CLSTN2: variants seen among roughly 807,000 people sequenced by gnomAD.
The protein encoded by CLSTN2 is calsyntenin 2.
Under a neutral mutation model 101.2 loss-of-function variants are expected in CLSTN2, and 48 were observed. The observed-to-expected ratio is 0.47, with a 90% CI of 0.38 to 0.60. CLSTN2 has a LOEUF of 0.60. Ranked by LOEUF, CLSTN2 falls within the 20% of genes least tolerant of loss-of-function variation. The pLI, the probability that CLSTN2 is intolerant of heterozygous loss-of-function variation, is 0.00. For missense variants in CLSTN2, 1,160 were observed against 1,238.2 expected (o/e 0.94, Z 0.95); for synonymous variants, 481 against 463.6 (o/e 1.04, Z -0.48).
chr3:139,971,122 AAAG>A (rs906323818), intron 1 of CLSTN2, among the ~76,000 whole-genome samples: 2 of 152,200 alleles, frequency 1.3e-5, no homozygotes, highest in African/African-American at 4.8e-5. Context: ...ATGCCAGAGA[AAAG>A]AAGTGACCAC....
At chr3:140,502,118 C>T (rs12634859) in intron 8 of CLSTN2, among the ~76,000 whole-genome samples, 26,389 of 152,106 alleles carry the variant, frequency 0.17, 2,784 homozygotes, top group East Asian at 0.4. Context: ...GCAGGCTGTG[C>T]TTATGGTGGT....
At chr3:140,466,830 G>A (rs969061467) in intron 8 of CLSTN2, 99 bp downstream of exon 8, 138 of 1,507,442 alleles carry the variant, frequency 9.2e-5, no homozygotes, top group Non-Finnish European at 1.2e-4. Flanking sequence ...GCAAGGTCCT[G>A]ACCACTTGCT....
chr3:140,276,395 C>T (rs527312566), intron 2 of CLSTN2, among the ~76,000 whole-genome samples: 285 of 152,276 alleles, frequency 1.9e-3, no homozygotes, highest in African/African-American at 6.6e-3. Context: ...ACACCCTTCA[C>T]GGCTCAGTTA....
chr3:140,078,244 C>A (rs565729856), intron 1 of CLSTN2, among the ~76,000 whole-genome samples: 165 of 152,270 alleles, frequency 1.1e-3, no homozygotes, highest in Non-Finnish European at 5.4e-4. Context: ...CTTGACTTAC[C>A]TCCTCAATGG....
intron 4 of CLSTN2, among the ~76,000 whole-genome samples, chr3:140,419,510 T>C (rs2088469922): frequency 1.5e-5 from 1 of 66,230 alleles, no homozygotes; most frequent in African/African-American, 1.7e-4. Flanking sequence ...TATATATATA[T>C]ATACACACAC....
chr3:140,098,636 G>A (rs1342982145), intron 1 of CLSTN2, among the ~76,000 whole-genome samples: 1 of 152,142 alleles, frequency 6.6e-6, no homozygotes, highest in Non-Finnish European at 1.5e-5. Flanking sequence ...CATTCCCCCG[G>A]CTTTAGAAGC....
chr3:140,193,146 G>T (rs1218050167), intron 2 of CLSTN2, among the ~76,000 whole-genome samples: 1 of 151,050 alleles, frequency 6.6e-6, no homozygotes, highest in African/African-American at 2.4e-5. Context: ...TGCTTAAAAT[G>T]TAAAATGTGA....
In CLSTN2 at chr3:140,446,241, T is replaced by C. The variant is rs139139440; in HGVS notation, c.788-2278T>C. 7.7e-3 allele frequency among the ~76,000 whole-genome samples: 1,178 copies of C among 152,250 alleles called. 18 individuals carry two copies. The highest frequency in any genetic ancestry group is 0.025 in the African/African-American group (1,051 of 41,544). ...CTGCAGCAACTTCATGATCTCATCCTCTGGGAGGGGATGGGCTAATCCAGA... is the reference window on the plus strand; with the variant it reads ...CTGCAGCAACTTCATGATCTCATCCCCTGGGAGGGGATGGGCTAATCCAGA... On this transcript the variant is annotated intron_variant, in intron 5 of 16. Coordinates refer to ENST00000458420, the MANE Select transcript of CLSTN2 (RefSeq NM_022131.3).
intron 1 of CLSTN2, among the ~76,000 whole-genome samples, chr3:140,159,754 A>G (rs1471398043): frequency 3.3e-5 from 5 of 152,324 alleles, no homozygotes; most frequent in African/African-American, 1.2e-4. Context: ...AAAGACATGG[A>G]ATCAACCCAG....
intron 1 of CLSTN2, among the ~76,000 whole-genome samples, chr3:140,115,038 C>T (rs1473073169): frequency 6.6e-6 from 1 of 152,132 alleles, no homozygotes. Context: ...AGGCCTTTTG[C>T]CCAACCAACA....
At chr3:140,484,163 G>A (rs1934189103) in intron 8 of CLSTN2, among the ~76,000 whole-genome samples, 1 of 152,128 alleles carries the variant, frequency 6.6e-6, no homozygotes, top group Non-Finnish European at 1.5e-5. Flanking sequence ...GCCTGGTGGT[G>A]ACAAAAATCT....
At chr3:140,164,739 G>T (rs2010106743) in intron 1 of CLSTN2, among the ~76,000 whole-genome samples, 2 of 152,114 alleles carry the variant, frequency 1.3e-5, no homozygotes, top group African/African-American at 4.8e-5. Context: ...CTTGCTCTTG[G>T]TTCAGATGTC....
chr3:140,095,615 C>T (rs902768178), intron 1 of CLSTN2, among the ~76,000 whole-genome samples: 1 of 152,194 alleles, frequency 6.6e-6, no homozygotes, highest in Non-Finnish European at 1.5e-5. Flanking sequence ...TACTATTATT[C>T]TATTCCAACT....
intron 2 of CLSTN2, among the ~76,000 whole-genome samples, chr3:140,183,883 A>G (rs553741103): frequency 6.6e-6 from 1 of 152,378 alleles, no homozygotes; most frequent in South Asian, 2.1e-4. Flanking sequence ...TTTGCCAAGA[A>G]CACAGTAGTA....
At chr3:140,458,045 C>A (rs1933449025) in intron 6 of CLSTN2, among the ~76,000 whole-genome samples, 1 of 152,198 alleles carries the variant, frequency 6.6e-6, no homozygotes, top group Non-Finnish European at 1.5e-5. Context: ...GGATATAGAC[C>A]TGATGATCTC....
chr3:139,976,446 G>A (rs954913646), intron 1 of CLSTN2, among the ~76,000 whole-genome samples: 50 of 152,230 alleles, frequency 3.3e-4, no homozygotes, highest in African/African-American at 8.9e-4. Context: ...ATCAAACAAA[G>A]TGGGAAGTAG....
At chr3:140,256,770 C>T (rs887367758) in intron 2 of CLSTN2, among the ~76,000 whole-genome samples, 7 of 152,178 alleles carry the variant, frequency 4.6e-5, no homozygotes, top group Non-Finnish European at 8.8e-5. Context: ...GAAAGACAGC[C>T]CAATAAATAT....
In CLSTN2 at chr3:140,172,306, C is replaced by T. The variant is rs896480960; in HGVS notation, c.110-3645C>T. ...AGATTAATGTTTTAGAAAGATCACT[C>T]TTGATACCAGTGTGCAGAATAGAAT... On this transcript the variant is annotated intron_variant, in intron 1 of 16. Coordinates refer to ENST00000458420, the MANE Select transcript of CLSTN2 (RefSeq NM_022131.3). Among the ~76,000 whole-genome samples the T allele has an allele frequency of 9.2e-5, 14 of 152,220 alleles. No individual in the cohort carries two copies. In the East Asian group the frequency reaches 2.5e-3, roughly 27 times the overall value.
intron 1 of CLSTN2, among the ~76,000 whole-genome samples, chr3:140,097,839 A>G (rs1000605912): frequency 2.6e-5 from 4 of 152,156 alleles, no homozygotes; most frequent in South Asian, 4.1e-4. Context: ...GAATGTAATT[A>G]TTTCCCCCAA....
Sources: allele counts gnomAD v4.1 joint callset (sites outside exome capture counted in the v4.1 genomes callset), GRCh38; gene constraint gnomAD v4.1.1; transcripts MANE v1.5; gene names NCBI Gene and HGNC (gene_info 2026-07-23, HGNC 2026-07-21).